Variants in ITPRID1 observed in about 807,000 individuals in gnomAD.
ITPRID1 encodes ITPR interacting domain containing 1, also known as protein ITPRID1.
A neutral mutation model predicts 95.4 loss-of-function variants in ITPRID1; 96 were observed. The observed-to-expected ratio is 1.01, with a 90% CI of 0.85 to 1.19. The LOEUF is 1.19. Ranked by LOEUF, ITPRID1 falls within the 50% of genes most tolerant of loss-of-function variation. The probability of loss-of-function intolerance (pLI) is 0.00; values close to 1 mark genes in which losing one functional copy is unlikely to be tolerated. For synonymous variants in ITPRID1, 510 were observed against 453.6 expected (o/e 1.12, Z -1.58); for missense variants, 1,339 against 1,252.9 (o/e 1.07, Z -1.04).
intron 1 of ITPRID1, among the ~76,000 whole-genome samples, chr7:31,526,186 ATC>A (rs965475348): frequency 6.6e-6 from 1 of 152,350 alleles, no homozygotes; most frequent in African/African-American, 2.4e-5. Context: ...AGATTCTGAT[ATC>A]TCTAAAATAA....
chr7:31,643,217 C>A lies in ITPRID1; in HGVS notation c.1847C>A (p.Ala616Asp). Residue 616 changes from alanine to aspartate, a missense_variant, in exon 12 of 15, where the codon GCC becomes GAC. Coordinates refer to ENST00000615280, the MANE Select transcript of ITPRID1 (RefSeq NM_001257967.3). ...AAGTTCCTTCATGTTGACTCTGAGG[C>A]CCCACGAGAAGAGGAAAGCAGTGGA... ...QDKFLHVDSE[A>D]PREEESSGFC... 6.2e-7 allele frequency: 1 copy of A among 1,613,884 alleles called. No homozygotes were observed. Among genetic ancestry groups the A allele is most frequent in the East Asian group, 2.2e-5 (1 of 44,872 alleles).
At chr7:31,648,429 C>A (rs1239913063) in intron 12 of ITPRID1, among the ~76,000 whole-genome samples, 2 of 151,954 alleles carry the variant, frequency 1.3e-5, no homozygotes, top group East Asian at 3.9e-4. Flanking sequence ...ATTATGAAAT[C>A]ATTTCTATAC....
chr7:31,543,989 T>A (rs1784014772), intron 1 of ITPRID1, among the ~76,000 whole-genome samples: 1 of 151,938 alleles, frequency 6.6e-6, no homozygotes, highest in African/African-American at 2.4e-5. Flanking sequence ...TAGCATCACT[T>A]GTTAAAGAGA....
At chr7:31,550,974 C>G (rs2128135919) in intron 2 of ITPRID1, among the ~76,000 whole-genome samples, 1 of 144,016 alleles carries the variant, frequency 6.9e-6, no homozygotes, top group African/African-American at 2.4e-5. Context: ...TGAATACTAT[C>G]AGCTACCTGA....
At chr7:31,557,381 A>G (rs777331576) in intron 5 of ITPRID1, among the ~76,000 whole-genome samples, 1 of 152,080 alleles carries the variant, frequency 6.6e-6, no homozygotes, top group Non-Finnish European at 1.5e-5. Flanking sequence ...ACTGGGCCCA[A>G]ATAACATAGA....
intron 1 of ITPRID1, among the ~76,000 whole-genome samples, chr7:31,527,742 A>G (rs1055530954): frequency 7.2e-5 from 11 of 152,160 alleles, no homozygotes; most frequent in African/African-American, 2.4e-4. Context: ...AACAAAAACA[A>G]CAGCAGCAGC....
chr7:31,632,891 T>C (rs1789144226), intron 10 of ITPRID1, among the ~76,000 whole-genome samples: 1 of 151,656 alleles, frequency 6.6e-6, no homozygotes, highest in Non-Finnish European at 1.5e-5. Context: ...TATTCATTCA[T>C]TTATTTATTT....
chr7:31,536,483 T>C (rs1176055832), intron 1 of ITPRID1, among the ~76,000 whole-genome samples: 1 of 152,212 alleles, frequency 6.6e-6, no homozygotes, highest in Non-Finnish European at 1.5e-5. Flanking sequence ...GTATTTACCA[T>C]TTCCTGTCTT....
chr7:31,639,771 C>T (rs113877779), intron 10 of ITPRID1, among the ~76,000 whole-genome samples: 2,460 of 151,644 alleles, frequency 0.016, 71 homozygotes, highest in African/African-American at 0.055. Context: ...CTCCTGACCT[C>T]GTGATCTGCC....
At chr7:31,564,000 A>G (rs1374268720) in intron 5 of ITPRID1, among the ~76,000 whole-genome samples, 1 of 152,184 alleles carries the variant, frequency 6.6e-6, no homozygotes, top group Non-Finnish European at 1.5e-5. Context: ...AAAGCTGTAG[A>G]ATGCTATTAT....
chr7:31,516,716 G>T (rs747763095), intron 1 of ITPRID1, among the ~76,000 whole-genome samples: 2 of 152,186 alleles, frequency 1.3e-5, no homozygotes, highest in African/African-American at 4.8e-5. Context: ...TTCTACAACA[G>T]AAGTTTTTAA....
chr7:31,596,169 AAAGAT>A (rs1478345021), intron 10 of ITPRID1, among the ~76,000 whole-genome samples: 3 of 151,572 alleles, frequency 2.0e-5, no homozygotes, highest in Non-Finnish European at 4.4e-5. Context: ...ACATAATAGA[AAAGAT>A]AAATAAGCTA....
chr7:31,617,304 A>AACAAGTATTTCATTG (rs1455800857), intron 10 of ITPRID1, among the ~76,000 whole-genome samples: 2 of 152,184 alleles, frequency 1.3e-5, no homozygotes, highest in Non-Finnish European at 2.9e-5. Context: ...TGGGTTTCTC[A>AACAAGTATTTCATTG]ACAAGTATTT....
chr7:31,520,515 TTGTGTGTGTGTGTGTGTGTGTGTG>T (rs57709822), intron 1 of ITPRID1, among the ~76,000 whole-genome samples: 22,914 of 135,592 alleles, frequency 0.17, 1,931 homozygotes, highest in Middle Eastern at 0.23. Context: ...TACCACATCA[TTGTGTGTGTGTGTGTGTGTGTGTG>T]TGTGTGTGTG....
At chr7:31,651,367 C>G in intron 13 of ITPRID1, 98 bp downstream of exon 13, 1 of 1,354,322 alleles carries the variant, frequency 7.4e-7, no homozygotes, top group African/African-American at 1.5e-5. Flanking sequence ...TGGAGCAGAG[C>G]TAATGAGAAA....
chr7:31,576,096 A>C (rs770571569), intron 8 of ITPRID1, among the ~76,000 whole-genome samples: 1 of 152,340 alleles, frequency 6.6e-6, no homozygotes. Flanking sequence ...ATATTTCACA[A>C]ATGAAATTGA....
At position 31,655,674 on chromosome 7, in the gene ITPRID1, CT is replaced by C; in HGVS notation, c.*2846del. The stretch of plus-strand genomic sequence containing the variant: ...CCTTTTTGCCACATCCCCATCTTGG[CT>C]CCTATATCATGGCTCAGCTCCCAGC... On this transcript the variant is annotated 3_prime_UTR_variant, in exon 15 of 15. Coordinates refer to ENST00000615280, the MANE Select transcript of ITPRID1 (RefSeq NM_001257967.3). 2 of 939,180 alleles carry C rather than the reference CT, an allele frequency of 2.1e-6. No individual in the cohort carries two copies. The highest frequency in any genetic ancestry group is 3.5e-5 in the African/African-American group (2 of 56,370). The allele number at this position is 939,180 out of a possible 1,614,324, so 58.2% of individuals were successfully genotyped here. A position where few individuals can be genotyped will look rare whatever the true frequency, so the allele number is the denominator to read the frequency against.
chr7:31,581,815 A>G (rs559502067), intron 9 of ITPRID1, among the ~76,000 whole-genome samples: 1 of 152,286 alleles, frequency 6.6e-6, no homozygotes, highest in Non-Finnish European at 1.5e-5. Flanking sequence ...ATTACACTTG[A>G]AAATGCATGT....
chr7:31,650,987 A>G (rs1297136409), intron 12 of ITPRID1, among the ~76,000 whole-genome samples, 155 bp from the exon 13 acceptor site: 2 of 152,052 alleles, frequency 1.3e-5, no homozygotes, highest in Non-Finnish European at 2.9e-5. Context: ...TGTGAACCCA[A>G]ATATTGGGCT....
Sources: gnomAD v4.1 joint callset for allele counts (sites outside exome capture counted in the v4.1 genomes callset) on GRCh38, gnomAD v4.1.1 for gene constraint, MANE v1.5 for transcripts, NCBI Gene and HGNC (gene_info 2026-07-23, HGNC 2026-07-21) for gene names.